SYK: variants seen among roughly 807,000 people sequenced by gnomAD.
SYK encodes the protein tyrosine-protein kinase SYK.
In SYK, 16 loss-of-function variants were observed where a neutral mutation model predicts 77.8. The observed-to-expected ratio is 0.21, with a 90% CI of 0.14 to 0.31. The LOEUF (loss-of-function observed/expected upper bound fraction) is 0.31, where lower values mean the gene tolerates loss of function less well. SYK is among the 10% of genes least tolerant of loss of function. SYK has a pLI of 1.00. For synonymous variants in SYK, 312 were observed against 308.7 expected (o/e 1.01, Z -0.11); for missense variants, 529 against 814.4 (o/e 0.65, Z 4.26).
intron 1 of SYK, among the ~76,000 whole-genome samples, chr9:90,840,365 G>T (rs1184611339): frequency 3.3e-5 from 5 of 152,068 alleles, no homozygotes; most frequent in Non-Finnish European, 1.5e-5. Flanking sequence ...AAATGAGGTT[G>T]GAGGCCCGAG....
At chr9:90,836,007 G>A (rs1323399922) in intron 1 of SYK, among the ~76,000 whole-genome samples, 1 of 152,118 alleles carries the variant, frequency 6.6e-6, no homozygotes, top group Non-Finnish European at 1.5e-5. Context: ...AAAAAATGTT[G>A]GCCGGGCGCT....
intron 11 of SYK, among the ~76,000 whole-genome samples, chr9:90,886,539 A>G (rs1462330882): frequency 6.6e-6 from 1 of 152,188 alleles, no homozygotes; most frequent in African/African-American, 2.4e-5. Flanking sequence ...CCCTGTCTCT[A>G]CTAAAAATAC....
intron 1 of SYK, among the ~76,000 whole-genome samples, chr9:90,805,595 G>A (rs920384825): frequency 3.9e-5 from 6 of 152,214 alleles, no homozygotes; most frequent in African/African-American, 1.4e-4. Flanking sequence ...CTGACTATAA[G>A]TAGCATTTGA....
In SYK at chr9:90,884,774, T is replaced by C. The variant is rs111216787; in HGVS notation, c.1582-2975T>C. On this transcript the variant is annotated intron_variant, in intron 11 of 13. Transcript: ENST00000375754. ...ATACACATATGTGTACATGCACATATACACATGTGTACATGCACATATACA... is the reference window on the plus strand; with the variant it reads ...ATACACATATGTGTACATGCACATACACACATGTGTACATGCACATATACA... Among the ~76,000 whole-genome samples, 2 of 32,736 alleles carry C rather than the reference T, an allele frequency of 6.1e-5. 1 individual carries two copies. Among genetic ancestry groups the C allele is most frequent in the Non-Finnish European group, 9.6e-5 (2 of 20,916 alleles). 21.5% of individuals were successfully genotyped at this position (32,736 alleles called of 152,430 possible).
In SYK at chr9:90,845,557, A is replaced by G. The variant is rs943553614; in HGVS notation, c.541A>G (p.Ile181Val). 5.0e-6 allele frequency: 8 copies of G among 1,614,170 alleles called. No homozygotes were observed. Among genetic ancestry groups the G allele is most frequent in the East Asian group, 2.2e-5 (1 of 44,880 alleles). The change falls in exon 3 of 14, where the codon ATT becomes GTT. Residue 181 changes from isoleucine (I) to valine (V), a missense_variant. Physicochemically the swap from Ile to Val is conservative, Grantham distance 29. Coordinates refer to ENST00000375754, the MANE Select transcript of SYK (RefSeq NM_003177.7). ...GKISREESEQ[I>V]VLIGSKTNGK... The stretch of plus-strand genomic sequence containing the variant: ...AATCTCTCGGGAAGAATCTGAGCAA[A>G]TTGTCCTGATAGGATCAAAGACAAA...
chr9:90,859,409 T>A (rs1827165111), intron 3 of SYK, among the ~76,000 whole-genome samples: 1 of 152,202 alleles, frequency 6.6e-6, no homozygotes, highest in South Asian at 2.1e-4. Context: ...GGAGTGAGTT[T>A]TATGTTTGTG....
chr9:90,849,422 G>T (rs1826732033), intron 3 of SYK, among the ~76,000 whole-genome samples: 1 of 152,110 alleles, frequency 6.6e-6, no homozygotes, highest in Non-Finnish European at 1.5e-5. Flanking sequence ...CTAAATCAAT[G>T]AATTGTTTGG....
chr9:90,810,526 G>A (rs535018873), intron 1 of SYK, among the ~76,000 whole-genome samples: 6 of 152,142 alleles, frequency 3.9e-5, no homozygotes, highest in African/African-American at 7.2e-5. Context: ...TGTAACAAAT[G>A]TGTGAGTGAA....
intron 1 of SYK, among the ~76,000 whole-genome samples, chr9:90,841,732 G>A (rs1826358827): frequency 6.6e-6 from 1 of 150,912 alleles, no homozygotes; most frequent in Non-Finnish European, 1.5e-5. Context: ...ACTGTGTGTG[G>A]TGTGTATGTA....
chr9:90,814,844 A>ACACG (rs1825230234), intron 1 of SYK, among the ~76,000 whole-genome samples: 2 of 56,966 alleles, frequency 3.5e-5, no homozygotes, highest in African/African-American at 9.4e-5. Context: ...GCACACACAC[A>ACACG]CACACACACA....
chr9:90,835,589 T>C (rs919719431), intron 1 of SYK, among the ~76,000 whole-genome samples: 4 of 151,906 alleles, frequency 2.6e-5, no homozygotes, highest in African/African-American at 9.7e-5. Context: ...AGACGGGAAA[T>C]GGAGGAGGAG....
intron 3 of SYK, among the ~76,000 whole-genome samples, chr9:90,858,615 G>A (rs1265785854): frequency 6.6e-6 from 1 of 152,234 alleles, no homozygotes; most frequent in Non-Finnish European, 1.5e-5. Flanking sequence ...CTCTCAGTAA[G>A]AGGACACAGC....
intron 3 of SYK, 72 bp downstream of exon 3, chr9:90,845,666 C>T (rs920428405): frequency 6.4e-7 from 1 of 1,552,818 alleles, no homozygotes; most frequent in African/African-American, 1.4e-5. Flanking sequence ...ATTCAGCTTC[C>T]TTGTGACTGG....
chr9:90,877,184 G>A (rs772298737), intron 9 of SYK, among the ~76,000 whole-genome samples: 2 of 152,142 alleles, frequency 1.3e-5, no homozygotes, highest in Non-Finnish European at 1.5e-5. Flanking sequence ...CGAGCAGCTG[G>A]GACTACAGGC....
At chr9:90,841,363 T>G (rs1564085642) in intron 1 of SYK, among the ~76,000 whole-genome samples, 1 of 145,738 alleles carries the variant, frequency 6.9e-6, no homozygotes, top group Non-Finnish European at 1.5e-5. Flanking sequence ...GTATACTGTG[T>G]GTAGTATGTG....
intron 1 of SYK, among the ~76,000 whole-genome samples, chr9:90,833,689 C>G (rs1325660346): frequency 6.6e-6 from 1 of 152,200 alleles, no homozygotes; most frequent in Non-Finnish European, 1.5e-5. Context: ...ATCTATTGCT[C>G]TTCATCTATA....
chr9:90,887,405 C>T (rs368660574), intron 11 of SYK, among the ~76,000 whole-genome samples: 14 of 128,916 alleles, frequency 1.1e-4, no homozygotes, highest in Non-Finnish European at 1.1e-4. Context: ...TTCTTTCTTT[C>T]TTTTTTTTTT....
chr9:90,859,269 G>T (rs1278800927), intron 3 of SYK, among the ~76,000 whole-genome samples: 2 of 152,162 alleles, frequency 1.3e-5, no homozygotes, highest in Non-Finnish European at 2.9e-5. Flanking sequence ...GAACTCTTGT[G>T]TTCATCACGC....
chr9:90,858,090 C>G (rs1827111787), intron 3 of SYK, among the ~76,000 whole-genome samples: 1 of 152,220 alleles, frequency 6.6e-6, no homozygotes, highest in Non-Finnish European at 1.5e-5. Context: ...TCCTCACTTT[C>G]CCCTTGGTGC....
Sources: allele counts gnomAD v4.1 joint callset (sites outside exome capture counted in the v4.1 genomes callset), GRCh38; gene constraint gnomAD v4.1.1; transcripts MANE v1.5; gene names NCBI Gene and HGNC (gene_info 2026-07-23, HGNC 2026-07-21).